Variants in CNTN6 observed in about 807,000 individuals in gnomAD.
The protein encoded by CNTN6 is contactin 6, also known as contactin-6.
Under a neutral mutation model 122.8 loss-of-function variants are expected in CNTN6, and 137 were observed. That is an observed-to-expected ratio of 1.12 (90% CI 0.97 to 1.29). CNTN6 has a LOEUF of 1.29. CNTN6 is among the 50% of genes most tolerant of loss of function. The pLI is 0.00. For synonymous variants in CNTN6, 570 were observed against 426.0 expected, an observed-to-expected ratio of 1.34 and a Z score of -4.16; for missense variants, 1,634 against 1,223.4, an observed-to-expected ratio of 1.34 and a Z score of -5.01.
At chr3:1,292,717 A>G (rs545615652) in intron 5 of CNTN6, among the ~76,000 whole-genome samples, 100 of 152,200 alleles carry the variant, frequency 6.6e-4, no homozygotes, top group African/African-American at 2.2e-3. Context: ...CCTTTCTGAC[A>G]CTCTTCTTAT....
At chr3:1,242,646 G>A (rs572535401) in intron 4 of CNTN6, among the ~76,000 whole-genome samples, 1 of 152,284 alleles carries the variant, frequency 6.6e-6, no homozygotes, top group Admixed American at 6.5e-5. Flanking sequence ...TCCCATACTT[G>A]TGGGTTAAGG....
At chr3:1,324,721 T>C (rs1304562180) in intron 8 of CNTN6, among the ~76,000 whole-genome samples, 1 of 149,266 alleles carries the variant, frequency 6.7e-6, no homozygotes, top group Admixed American at 6.6e-5. Flanking sequence ...TCCTTCCCGG[T>C]GACTACCTTT....
At chr3:1,346,211 C>T (rs958445799) in intron 11 of CNTN6, among the ~76,000 whole-genome samples, 1 of 152,144 alleles carries the variant, frequency 6.6e-6, no homozygotes, top group Non-Finnish European at 1.5e-5. Context: ...ATGTTAATCT[C>T]TATTGTATTG....
intron 4 of CNTN6, among the ~76,000 whole-genome samples, chr3:1,265,419 T>C (rs756647362): frequency 6.6e-6 from 1 of 152,158 alleles, no homozygotes; most frequent in Non-Finnish European, 1.5e-5. Context: ...CATTCTCTGC[T>C]CTGGGTCTTA....
chr3:1,116,011 C>A (rs1395754927), intron 1 of CNTN6, among the ~76,000 whole-genome samples: 1 of 152,066 alleles, frequency 6.6e-6, no homozygotes, highest in Admixed American at 6.6e-5. Context: ...TATCTTGGAA[C>A]CATAGTGATA....
intron 5 of CNTN6, among the ~76,000 whole-genome samples, chr3:1,292,280 G>A (rs1042150423): frequency 6.6e-6 from 1 of 152,126 alleles, no homozygotes; most frequent in Non-Finnish European, 1.5e-5. Flanking sequence ...AATGTAAACA[G>A]ACAGCTGTAA....
At chr3:1,119,354 G>GTGTGTGTGTGTGTGTGTGTGTGTGT (rs1339996215) in intron 1 of CNTN6, among the ~76,000 whole-genome samples, 3 of 8,814 alleles carry the variant, frequency 3.4e-4, no homozygotes, top group African/African-American at 8.6e-4. Context: ...TGTGTGTGTG[G>GTGTGTGTGTGTGTGTGTGTGTGTGT]AGAATGTCTC....
intron 2 of CNTN6, among the ~76,000 whole-genome samples, chr3:1,185,242 G>C (rs368065216): frequency 3.3e-5 from 5 of 152,024 alleles, no homozygotes; most frequent in African/African-American, 1.2e-4. Context: ...GTTGGATTAA[G>C]GCGTTTCATA....
intron 5 of CNTN6, among the ~76,000 whole-genome samples, chr3:1,279,467 C>T (rs1007728725): frequency 6.6e-6 from 1 of 152,148 alleles, no homozygotes; most frequent in African/African-American, 2.4e-5. Flanking sequence ...TAAATTTTCA[C>T]AAAAACTTAT....
At chr3:1,309,089 T>G (rs1387806976) in intron 7 of CNTN6, among the ~76,000 whole-genome samples, 1 of 152,196 alleles carries the variant, frequency 6.6e-6, no homozygotes, top group Non-Finnish European at 1.5e-5. Context: ...GACTTGTCTT[T>G]GCATTTCCTT....
At position 1,186,188 on chromosome 3, in the gene CNTN6, A is replaced by G. The variant is rs139307021; in HGVS notation, c.56-34499A>G. 9.2e-4 allele frequency among the ~76,000 whole-genome samples: 140 copies of G among 152,364 alleles called. 1 individual carries two copies. The East Asian group carries it at 0.025, about 28-fold the overall frequency. ...TAACTTCTATGTATTTATGAAAGTC[A>G]TTTTAAGAAGTATTCAGAAGGTTGT... On this transcript the variant is annotated intron_variant, in intron 2 of 22. Coordinates refer to ENST00000446702, the MANE Select transcript of CNTN6 (RefSeq NM_001289080.2).
At chr3:1,208,710 C>A (rs557052522) in intron 2 of CNTN6, among the ~76,000 whole-genome samples, 2 of 152,156 alleles carry the variant, frequency 1.3e-5, no homozygotes, top group African/African-American at 4.8e-5. Flanking sequence ...CAAGTTATTT[C>A]CATTCTCTAA....
chr3:1,380,551 A>G (rs1691709693), intron 17 of CNTN6, among the ~76,000 whole-genome samples: 2 of 152,152 alleles, frequency 1.3e-5, no homozygotes, highest in Admixed American at 1.3e-4. Flanking sequence ...ACACAGGATA[A>G]AGCACTATAG....
chr3:1,363,908 C>T (rs1707833041), intron 12 of CNTN6, among the ~76,000 whole-genome samples: 1 of 151,888 alleles, frequency 6.6e-6, no homozygotes. Context: ...TTTCCACACC[C>T]TAGATAACAG....
intron 4 of CNTN6, 145 bp from the exon 5 acceptor site, chr3:1,278,268 T>A: frequency 1.8e-6 from 1 of 562,530 alleles, no homozygotes; most frequent in Admixed American, 3.2e-5. Flanking sequence ...ATAAGTGCAG[T>A]TAAATTGATT....
At chr3:1,097,353 T>C (rs1400605070) in intron 1 of CNTN6, among the ~76,000 whole-genome samples, 3 of 152,218 alleles carry the variant, frequency 2.0e-5, no homozygotes, top group Admixed American at 6.5e-5. Flanking sequence ...AGAAAACTTA[T>C]ATGTATTAGG....
intron 11 of CNTN6, among the ~76,000 whole-genome samples, chr3:1,336,991 C>A (rs1053893016): frequency 1.5e-4 from 23 of 152,104 alleles, no homozygotes; most frequent in African/African-American, 5.1e-4. Flanking sequence ...TTCCCTGTGA[C>A]AAGATAGAAG....
At chr3:1,326,446 A>G (rs961792048) in intron 9 of CNTN6, among the ~76,000 whole-genome samples, 1 of 151,834 alleles carries the variant, frequency 6.6e-6, no homozygotes, top group African/African-American at 2.4e-5. Context: ...TTAGCATTTT[A>G]AACTTTTATT....
At chr3:1,357,113 G>T (rs1706688321) in intron 12 of CNTN6, among the ~76,000 whole-genome samples, 1 of 151,790 alleles carries the variant, frequency 6.6e-6, no homozygotes, top group Admixed American at 6.6e-5. Flanking sequence ...AAAATATAAT[G>T]TAAAGGATAG....
Sources: gnomAD v4.1 joint callset for allele counts (sites outside exome capture counted in the v4.1 genomes callset) on GRCh38, gnomAD v4.1.1 for gene constraint, MANE v1.5 for transcripts, NCBI Gene and HGNC (gene_info 2026-07-23, HGNC 2026-07-21) for gene names.